Variants in KMT2C observed in about 807,000 individuals in gnomAD.
The protein encoded by KMT2C is histone-lysine N-methyltransferase 2C.
In KMT2C, 88 loss-of-function variants were observed where a neutral mutation model predicts 507.9. The observed-to-expected ratio is 0.17, with a 90% CI of 0.15 to 0.21. KMT2C has a LOEUF of 0.21. KMT2C is among the 10% of genes least tolerant of loss of function. The pLI, the probability that KMT2C is intolerant of heterozygous loss-of-function variation, is 1.00. For synonymous variants in KMT2C, 2,049 were observed against 2,080.8 expected, an observed-to-expected ratio of 0.98 and a Z score of 0.42; for missense variants, 4,954 against 5,957.8, an observed-to-expected ratio of 0.83 and a Z score of 5.55.
intron 44 of KMT2C, among the ~76,000 whole-genome samples, chr7:152,158,359 A>G (rs1045422503): frequency 6.6e-5 from 10 of 152,228 alleles, no homozygotes; most frequent in African/African-American, 2.4e-4. Context: ...TATGAACATA[A>G]GAAAATCTTG....
Position 152,148,963 on chromosome 7 carries a change from G to T in KMT2C, c.12964C>A (p.Pro4322Thr), listed in dbSNP as rs587778511. ...TTGACTGTCACCTTCAGCTCATCTG[G>T]CTTGGCCTCGACTTGGGCTGCTTCA... is the stretch of plus-strand genomic sequence containing the variant. ...AFEAAQVEAK[P>T]DELKVTVKLK... The change falls in exon 52 of 59, where the codon CCA becomes ACA. Residue 4322 changes from proline to threonine, a missense_variant. Coordinates refer to ENST00000262189, the MANE Select transcript of KMT2C (RefSeq NM_170606.3). The surrounding 1 kb of genome is among the most constrained non-coding windows in gnomAD (Gnocchi z 7.1). 2 of 1,599,752 alleles carry T rather than the reference G, an allele frequency of 1.3e-6. No homozygotes were observed. The highest frequency in any genetic ancestry group is 3.4e-5 in the Admixed American group (2 of 58,920).
chr7:152,307,369 A>G (rs2096630619), intron 6 of KMT2C, among the ~76,000 whole-genome samples: 2 of 129,724 alleles, frequency 1.5e-5, no homozygotes, highest in Admixed American at 8.6e-5. Context: ...AGAGAGGGAG[A>G]GAGGGAGGGA....
chr7:152,176,164 T>C (rs754815293), intron 38 of KMT2C, 27 bp downstream of exon 38: 30 of 1,553,730 alleles, frequency 1.9e-5, no homozygotes, highest in Middle Eastern at 1.7e-4. Flanking sequence ...CATAGTAATA[T>C]ACGTTGAGAC....
rs1480828733 is a variant in KMT2C, at chr7:152,267,255, T to A, written c.1013-2046A>T. ...CTGTATTATTGGCCCTAGAATTCTT[T>A]CATAAACCCCAAACCTTTATTCTTC... is the stretch of plus-strand genomic sequence containing the variant. On this transcript the variant is annotated intron_variant, in intron 7 of 58. Coordinates refer to ENST00000262189, the MANE Select transcript of KMT2C (RefSeq NM_170606.3). 1.2e-4 allele frequency among the ~76,000 whole-genome samples: 18 copies of A among 152,388 alleles called. No homozygotes were observed. In the East Asian group the frequency reaches 2.5e-3, roughly 21 times the overall value.
At chr7:152,283,762 C>A (rs2096255937) in intron 6 of KMT2C, among the ~76,000 whole-genome samples, 1 of 152,082 alleles carries the variant, frequency 6.6e-6, no homozygotes, top group Non-Finnish European at 1.5e-5. Flanking sequence ...ATTTCCAGTA[C>A]CTGCCAACTG....
At chr7:152,269,605 T>C (rs1325559239) in intron 7 of KMT2C, among the ~76,000 whole-genome samples, 1 of 152,196 alleles carries the variant, frequency 6.6e-6, no homozygotes, top group Non-Finnish European at 1.5e-5. Flanking sequence ...CTAAAGATAA[T>C]TTAAAAGGGC....
intron 1 of KMT2C, among the ~76,000 whole-genome samples, chr7:152,432,937 G>A (rs1475917712): frequency 1.3e-5 from 2 of 150,984 alleles, no homozygotes; most frequent in African/African-American, 2.5e-5. Flanking sequence ...ACCTGAGGTC[G>A]GGGGTTCAAG....
At chr7:152,229,569 A>C (rs1316263183) in intron 18 of KMT2C, among the ~76,000 whole-genome samples, 1 of 152,204 alleles carries the variant, frequency 6.6e-6, no homozygotes, top group Non-Finnish European at 1.5e-5. Context: ...AAAGAACAGA[A>C]TGGGCTAATA....
Position 152,148,281 on chromosome 7 carries a change from C to T in KMT2C, c.13646G>A (p.Arg4549His), listed in dbSNP as rs2129095036. ...TGTGTGGAAGATGAGGCTACCCACG[C>T]GAAAGGTATGGTCCCGTTCTCCTCG... ...VQRGERDHTF[R>H]VGSLIFHTIG... The change falls in exon 52 of 59, where the codon CGC becomes CAC. Residue 4549 changes from arginine (R) to histidine (H), a missense_variant. Arg to His is a conservative substitution (Grantham distance 29). This residue lies in a region of KMT2C where 221 missense variants were observed against 304.7 expected (regional missense o/e 0.73). Coordinates refer to ENST00000262189, the MANE Select transcript of KMT2C (RefSeq NM_170606.3). This position sits in a 1 kb window ranked among gnomAD's most constrained non-coding sequence, Gnocchi z 7.1. 1 of 1,614,230 alleles carries T rather than the reference C, an allele frequency of 6.2e-7. No individual in the cohort carries two copies. The highest frequency in any genetic ancestry group is 1.3e-5 in the African/African-American group (1 of 75,040).
intron 2 of KMT2C, among the ~76,000 whole-genome samples, chr7:152,357,054 C>T (rs2097158151): frequency 6.7e-6 from 1 of 149,924 alleles, no homozygotes; most frequent in South Asian, 2.1e-4. Context: ...ATGGCAAAAC[C>T]CTGTCTCTAC....
intron 43 of KMT2C, among the ~76,000 whole-genome samples, chr7:152,161,821 T>C (rs2092468867): frequency 6.6e-6 from 1 of 152,256 alleles, no homozygotes; most frequent in Admixed American, 6.5e-5. Flanking sequence ...TTACTTACTT[T>C]GCTTTAGTCA....
At chr7:152,413,269 C>A (rs1394826625) in intron 1 of KMT2C, among the ~76,000 whole-genome samples, 1 of 152,006 alleles carries the variant, frequency 6.6e-6, no homozygotes, top group Non-Finnish European at 1.5e-5. Flanking sequence ...CGCGGGCCAC[C>A]ATAGCTGGAT....
chr7:152,197,067 A>G (rs2093984145), intron 27 of KMT2C, among the ~76,000 whole-genome samples: 2 of 152,144 alleles, frequency 1.3e-5, no homozygotes, highest in African/African-American at 4.8e-5. Context: ...TGGCTGCTAT[A>G]TGTAGAGCAG....
intron 6 of KMT2C, among the ~76,000 whole-genome samples, chr7:152,284,586 C>T (rs1185075145): frequency 1.3e-5 from 2 of 152,212 alleles, no homozygotes; most frequent in East Asian, 3.9e-4. Flanking sequence ...CAAAATTAAA[C>T]CCTCTGCTGT....
intron 1 of KMT2C, among the ~76,000 whole-genome samples, chr7:152,364,617 AAAAG>A (rs1339634906): frequency 2.0e-5 from 3 of 149,918 alleles, no homozygotes; most frequent in East Asian, 1.9e-4. Flanking sequence ...TCCAAAAAAA[AAAAG>A]AAAAGAAAAA....
intron 7 of KMT2C, among the ~76,000 whole-genome samples, chr7:152,267,634 T>C (rs2095879280): frequency 6.6e-6 from 1 of 152,236 alleles, no homozygotes; most frequent in African/African-American, 2.4e-5. Flanking sequence ...AACTGCAGTA[T>C]CTTCTGCATC....
intron 1 of KMT2C, among the ~76,000 whole-genome samples, chr7:152,431,823 A>G (rs2097864848): frequency 6.6e-6 from 1 of 152,226 alleles, no homozygotes; most frequent in Non-Finnish European, 1.5e-5. Context: ...TGTCATAAAA[A>G]TTACAAATTT....
chr7:152,326,632 G>C (rs935981016), intron 3 of KMT2C, among the ~76,000 whole-genome samples: 2 of 152,146 alleles, frequency 1.3e-5, no homozygotes, highest in Admixed American at 6.5e-5. Flanking sequence ...TGTAATCCCA[G>C]CACTTTGGGA....
chr7:152,397,413 G>A (rs2097543905), intron 1 of KMT2C, among the ~76,000 whole-genome samples: 1 of 151,916 alleles, frequency 6.6e-6, no homozygotes, highest in Admixed American at 6.6e-5. Context: ...AGCCTTATGG[G>A]TGCCCTGGTT....
Sources: allele counts gnomAD v4.1 joint callset (sites outside exome capture counted in the v4.1 genomes callset), GRCh38; gene constraint gnomAD v4.1.1; regional missense constraint gnomAD v4.1.1; non-coding constraint Gnocchi (gnomAD v3.1); transcripts MANE v1.5; gene names NCBI Gene and HGNC (gene_info 2026-07-23, HGNC 2026-07-21).